Variants in PKIB observed in about 807,000 individuals in gnomAD.
The protein encoded by PKIB is cAMP-dependent protein kinase inhibitor beta, also known as PKI-beta.
A neutral mutation model predicts 4.5 loss-of-function variants in PKIB; 2 were observed. That is an observed-to-expected ratio of 0.44 (90% CI 0.18 to 1.39). PKIB has a LOEUF of 1.39. Ranked by LOEUF, PKIB falls within the 40% of genes most tolerant of loss-of-function variation. PKIB has a pLI of 0.27. For synonymous variants in PKIB, 38 were observed against 36.0 expected (o/e 1.06, Z -0.20); for missense variants, 94 against 92.6 (o/e 1.02, Z -0.06).
chr6:122,540,303 C>A (rs1227064835), intron 2 of PKIB, among the ~76,000 whole-genome samples: 1 of 151,814 alleles, frequency 6.6e-6, no homozygotes, highest in Admixed American at 6.6e-5. Context: ...TTTCTGCTTT[C>A]TCTTGTGGGC....
chr6:122,597,069 C>A (rs556570837), intron 3 of PKIB, among the ~76,000 whole-genome samples: 2 of 152,154 alleles, frequency 1.3e-5, no homozygotes, highest in South Asian at 4.1e-4. Flanking sequence ...CACCACTGGA[C>A]CCCTAGAAAT....
intron 2 of PKIB, among the ~76,000 whole-genome samples, chr6:122,558,990 A>G (rs1025202638): frequency 2.0e-5 from 3 of 152,170 alleles, no homozygotes; most frequent in Non-Finnish European, 2.9e-5. Context: ...TATCAGTGAG[A>G]ACATATGATG....
At chr6:122,632,711 A>G (rs1775750074) in intron 1 of PKIB, among the ~76,000 whole-genome samples, 1 of 152,170 alleles carries the variant, frequency 6.6e-6, no homozygotes, top group African/African-American at 2.4e-5. Flanking sequence ...TTTCTCTCCA[A>G]AAATTCCAAT....
chr6:122,650,412 T>C (rs1197750752), intron 2 of PKIB, among the ~76,000 whole-genome samples: 2 of 152,184 alleles, frequency 1.3e-5, no homozygotes, highest in Admixed American at 1.3e-4. Context: ...CCTCACTCCA[T>C]AGTTCAGTAG....
chr6:122,630,097 T>G (rs1775634799), intron 1 of PKIB, among the ~76,000 whole-genome samples: 1 of 152,164 alleles, frequency 6.6e-6, no homozygotes, highest in South Asian at 2.1e-4. Flanking sequence ...TCAAATTTTT[T>G]TTTGTAAATC....
intron 2 of PKIB, among the ~76,000 whole-genome samples, chr6:122,532,233 C>G (rs1777280008): frequency 6.6e-6 from 1 of 152,140 alleles, no homozygotes; most frequent in Non-Finnish European, 1.5e-5. Context: ...TCAACATACT[C>G]CAAGATGGGG....
intron 2 of PKIB, among the ~76,000 whole-genome samples, chr6:122,530,588 T>A (rs1026979931): frequency 1.3e-5 from 2 of 152,146 alleles, no homozygotes; most frequent in African/African-American, 4.8e-5. Flanking sequence ...GGGAAGACTT[T>A]GCCTATGAGC....
chr6:122,687,618 A>AT (rs1414538048), intron 3 of PKIB, among the ~76,000 whole-genome samples: 1 of 152,052 alleles, frequency 6.6e-6, no homozygotes, highest in Non-Finnish European at 1.5e-5. Flanking sequence ...ATATCTTATC[A>AT]TTTTTTGTGT....
chr6:122,702,405 C>T (rs1778861025), intron 3 of PKIB, among the ~76,000 whole-genome samples: 1 of 145,276 alleles, frequency 6.9e-6, no homozygotes, highest in Admixed American at 7.1e-5. Context: ...CCTCGGCTCA[C>T]TGCAACCTCC....
At chr6:122,646,869 T>C (rs1244283272) in intron 2 of PKIB, among the ~76,000 whole-genome samples, 6 of 152,334 alleles carry the variant, frequency 3.9e-5, no homozygotes, top group Admixed American at 3.9e-4. Context: ...TTGGGAATCA[T>C]GATGGATGAC....
chr6:122,655,270 T>C (rs1309128324), intron 2 of PKIB, among the ~76,000 whole-genome samples: 2 of 152,218 alleles, frequency 1.3e-5, no homozygotes, highest in Non-Finnish European at 2.9e-5. Context: ...GACAGAATAT[T>C]TGTGTTCTCC....
chr6:122,479,904 A>G (rs902679370), intron 2 of PKIB: 1 of 152,234 alleles, frequency 6.6e-6, no homozygotes, highest in Non-Finnish European at 1.5e-5. Context: ...ATGAATAAAC[A>G]GTGAAAAGGT....
intron 2 of PKIB, among the ~76,000 whole-genome samples, chr6:122,543,026 G>C (rs1339745381): frequency 6.6e-6 from 1 of 152,122 alleles, no homozygotes; most frequent in Admixed American, 6.5e-5. Flanking sequence ...CCAGGTGTGG[G>C]ATATAATCTC....
At chr6:122,597,084 CT>C (rs1416101186) in intron 3 of PKIB, among the ~76,000 whole-genome samples, 1 of 152,180 alleles carries the variant, frequency 6.6e-6, no homozygotes. Context: ...AGAAATTTTA[CT>C]GAGGTAGAAA....
chr6:122,500,185 T>C (rs961997510), intron 2 of PKIB, among the ~76,000 whole-genome samples: 2 of 152,222 alleles, frequency 1.3e-5, no homozygotes, highest in African/African-American at 4.8e-5. Context: ...TCAGCATCTT[T>C]AATCTATTCA....
At chr6:122,565,174 A>G (rs888825403) in intron 2 of PKIB, among the ~76,000 whole-genome samples, 1 of 152,206 alleles carries the variant, frequency 6.6e-6, no homozygotes, top group African/African-American at 2.4e-5. Flanking sequence ...TGCCTTTTAA[A>G]TAAGATAATT....
chr6:122,636,361 A>C (rs1416220187), intron 2 of PKIB, among the ~76,000 whole-genome samples: 1 of 152,138 alleles, frequency 6.6e-6, no homozygotes. Flanking sequence ...TTGTTAAGTA[A>C]CTATACAAAA....
intron 3 of PKIB, among the ~76,000 whole-genome samples, chr6:122,693,896 C>CTAGA (rs1778450063): frequency 6.6e-6 from 1 of 152,048 alleles, no homozygotes; most frequent in African/African-American, 2.4e-5. Flanking sequence ...GATGACTGAT[C>CTAGA]TAGACAAGGC....
At chr6:122,541,375 C>G (rs939757961) in intron 2 of PKIB, among the ~76,000 whole-genome samples, 2 of 151,592 alleles carry the variant, frequency 1.3e-5, no homozygotes, top group Non-Finnish European at 2.9e-5. Flanking sequence ...TAGGGCAGGC[C>G]TGGTGGTGAC....
Sources: allele counts gnomAD v4.1 joint callset (sites outside exome capture counted in the v4.1 genomes callset), GRCh38; gene constraint gnomAD v4.1.1; transcripts MANE v1.5; gene names NCBI Gene and HGNC (gene_info 2026-07-23, HGNC 2026-07-21).